PPP1R1C: variants seen among roughly 807,000 people sequenced by gnomAD.
PPP1R1C encodes the protein protein phosphatase 1 regulatory subunit 1C.
Under a neutral mutation model 17.4 loss-of-function variants are expected in PPP1R1C, and 15 were observed. The observed-to-expected ratio is 0.86, with a 90% CI of 0.58 to 1.33. The LOEUF is 1.33. Among genes scored for constraint, PPP1R1C ranks in the 40% most tolerant of loss-of-function variants. The pLI, the probability that PPP1R1C is intolerant of heterozygous loss-of-function variation, is 0.00. For missense variants in PPP1R1C, 143 were observed against 130.0 expected, an observed-to-expected ratio of 1.10 and a Z score of -0.48; for synonymous variants, 35 against 43.1, an observed-to-expected ratio of 0.81 and a Z score of 0.73.
chr2:181,966,616 A>C (rs1194886465), intron 1 of PPP1R1C, among the ~76,000 whole-genome samples: 3 of 151,882 alleles, frequency 2.0e-5, no homozygotes, highest in African/African-American at 7.3e-5. Context: ...ACATTCATTG[A>C]TTTCTGTATG....
chr2:181,994,223 T>A (rs891684295), intron 2 of PPP1R1C, among the ~76,000 whole-genome samples: 1 of 152,120 alleles, frequency 6.6e-6, no homozygotes, highest in African/African-American at 2.4e-5. Flanking sequence ...ATGAAAAACA[T>A]TATTGCAAAT....
At chr2:182,046,403 A>G (rs1462733310) in intron 2 of PPP1R1C, among the ~76,000 whole-genome samples, 1 of 152,074 alleles carries the variant, frequency 6.6e-6, no homozygotes, top group Non-Finnish European at 1.5e-5. Flanking sequence ...TTATACATGA[A>G]TGATAATCCC....
intron 2 of PPP1R1C, among the ~76,000 whole-genome samples, chr2:182,010,553 T>C (rs921890907): frequency 6.6e-6 from 1 of 152,050 alleles, no homozygotes; most frequent in Non-Finnish European, 1.5e-5. Context: ...AAATATAAGA[T>C]CATGTTGTCT....
At chr2:182,091,612 G>A (rs1215019412) in intron 4 of PPP1R1C, among the ~76,000 whole-genome samples, 1 of 152,158 alleles carries the variant, frequency 6.6e-6, no homozygotes, top group African/African-American at 2.4e-5. Context: ...GGGAAGAAGG[G>A]AGTAGAGAGG....
chr2:182,059,573 C>T (rs1338208682), intron 2 of PPP1R1C, among the ~76,000 whole-genome samples: 1 of 151,948 alleles, frequency 6.6e-6, no homozygotes, highest in East Asian at 1.9e-4. Context: ...TATTGGCTTC[C>T]GTTGTACCTT....
At chr2:181,996,053 G>T (rs1002953241) in intron 2 of PPP1R1C, among the ~76,000 whole-genome samples, 2 of 152,126 alleles carry the variant, frequency 1.3e-5, no homozygotes, top group Non-Finnish European at 2.9e-5. Flanking sequence ...AGATAAAACT[G>T]CAAAGGACAT....
At chr2:182,096,320 A>T (rs1688935942) in intron 4 of PPP1R1C, among the ~76,000 whole-genome samples, 1 of 152,176 alleles carries the variant, frequency 6.6e-6, no homozygotes. Flanking sequence ...CAGGCAAGGA[A>T]GGTCAGAGAA....
intron 2 of PPP1R1C, among the ~76,000 whole-genome samples, chr2:182,053,099 T>C (rs1687574750): frequency 6.6e-6 from 1 of 152,246 alleles, no homozygotes; most frequent in African/African-American, 2.4e-5. Flanking sequence ...GACTTTTATG[T>C]TGATAATTTC....
chr2:182,039,702 C>T (rs183454632), intron 2 of PPP1R1C, among the ~76,000 whole-genome samples: 20 of 152,188 alleles, frequency 1.3e-4, no homozygotes, highest in East Asian at 3.9e-4. Flanking sequence ...TTTTTGGTTA[C>T]GTAGACGAAT....
chr2:181,958,127 C>G (rs545145218), intron 1 of PPP1R1C, among the ~76,000 whole-genome samples: 1 of 152,086 alleles, frequency 6.6e-6, no homozygotes, highest in African/African-American at 2.4e-5. Flanking sequence ...GCTAAGGAAG[C>G]GCTCCCAAGA....
chr2:182,015,048 A>G (rs1009625121), intron 2 of PPP1R1C, among the ~76,000 whole-genome samples: 5 of 152,034 alleles, frequency 3.3e-5, no homozygotes, highest in African/African-American at 1.2e-4. Context: ...CTCCATTGTG[A>G]CTGAACTGGT....
chr2:182,072,176 G>A (rs564881557), intron 4 of PPP1R1C, among the ~76,000 whole-genome samples: 1 of 152,270 alleles, frequency 6.6e-6, no homozygotes, highest in East Asian at 1.9e-4. Flanking sequence ...AGGAATCTCA[G>A]GAAGTAAAAA....
chr2:182,080,537 G>A (rs1045633848), intron 4 of PPP1R1C, among the ~76,000 whole-genome samples: 1 of 152,072 alleles, frequency 6.6e-6, no homozygotes, highest in African/African-American at 2.4e-5. Flanking sequence ...GAGTAATACC[G>A]TAACACAATA....
intron 2 of PPP1R1C, among the ~76,000 whole-genome samples, chr2:182,034,881 C>T (rs936588622): frequency 2.6e-5 from 4 of 152,184 alleles, no homozygotes; most frequent in African/African-American, 7.2e-5. Flanking sequence ...GTCCTAGGCA[C>T]ATATTAGGAA....
exon 6 of PPP1R1C, chr2:182,129,403 C>T (rs927560483): frequency 6.6e-6 from 1 of 151,906 alleles, no homozygotes; most frequent in South Asian, 2.1e-4. Context: ...TTATTTATTG[C>T]CTTGTTTCTT....
Position 182,092,631 on chromosome 2 carries a change from G to C in PPP1R1C, c.242-24576G>C, listed in dbSNP as rs185349361. Among the ~76,000 whole-genome samples the C allele has an allele frequency of 8.2e-4, 125 of 152,298 alleles. 1 individual carries two copies. The highest frequency in any genetic ancestry group is 2.9e-3 in the African/African-American group (120 of 41,554). ...TATATACTTCCTAGATCTAATGGCG[G>C]TACAGGCATTGGTAAATACAGCCAT... On this transcript the variant is annotated intron_variant, in intron 4 of 4. Coordinates refer to ENST00000682840, the MANE Select transcript of PPP1R1C (RefSeq NM_001080545.3).
intron 4 of PPP1R1C, among the ~76,000 whole-genome samples, chr2:182,065,594 G>A (rs1201376266): frequency 1.3e-5 from 2 of 152,072 alleles, no homozygotes; most frequent in African/African-American, 4.8e-5. Flanking sequence ...CATGGTACAT[G>A]CTTATAGTCT....
At chr2:182,017,083 G>T (rs952124312) in intron 2 of PPP1R1C, among the ~76,000 whole-genome samples, 8 of 152,102 alleles carry the variant, frequency 5.3e-5, no homozygotes, top group African/African-American at 1.7e-4. Flanking sequence ...CAAATACTTG[G>T]TAGGCCAACA....
intron 2 of PPP1R1C, among the ~76,000 whole-genome samples, chr2:181,991,339 C>CA (rs1241495841): frequency 3.3e-5 from 5 of 152,142 alleles, no homozygotes; most frequent in Non-Finnish European, 4.4e-5. Context: ...AATGTCCCAT[C>CA]AGTCCCTTTC....
Sources: allele counts gnomAD v4.1 joint callset (sites outside exome capture counted in the v4.1 genomes callset), GRCh38; gene constraint gnomAD v4.1.1; transcripts MANE v1.5; gene names NCBI Gene and HGNC (gene_info 2026-07-23, HGNC 2026-07-21).